FLNB: variants seen among roughly 807,000 people sequenced by gnomAD.
FLNB encodes filamin B.
In FLNB, 111 loss-of-function variants were observed where a neutral mutation model predicts 250.6. The observed-to-expected ratio is 0.44, with a 90% CI of 0.38 to 0.52. The LOEUF (loss-of-function observed/expected upper bound fraction) is 0.52. Ranked by LOEUF, FLNB falls within the 20% of genes least tolerant of loss-of-function variation. The pLI, the probability that FLNB is intolerant of heterozygous loss-of-function variation, is 0.00. For missense variants in FLNB, 2,869 were observed against 3,447.8 expected (o/e 0.83, Z 4.20); for synonymous variants, 1,302 against 1,372.1 (o/e 0.95, Z 1.13).
chr3:58,138,215 G>A lies in FLNB; in HGVS notation c.4862-67G>A, dbSNP rs1252634434. The A allele has an allele frequency of 2.5e-6, 4 of 1,606,328 alleles. No individual in the cohort carries two copies. The African/African-American group carries it at 5.4e-5, about 21-fold the overall frequency. ...AGGCACAGACAACATGGATGGGTAT[G>A]ATTTGTTCTTGGGCCTCCAGGATGT... On this transcript the variant is annotated intron_variant, in intron 28 of 45. Coordinates refer to ENST00000295956, the MANE Select transcript of FLNB (RefSeq NM_001457.4).
At chr3:58,149,774 T>A in intron 36 of FLNB, 76 bp from the exon 37 acceptor site, 1 of 1,574,180 alleles carries the variant, frequency 6.4e-7, no homozygotes, top group Non-Finnish European at 8.7e-7. Context: ...AAGGGTCGGA[T>A]GTCCTTTCTC....
rs528270059 is a variant in FLNB, at chr3:58,150,322, C to T, written c.6367+95C>T. 512 of 1,412,662 alleles carry T rather than the reference C, an allele frequency of 3.6e-4. 8 individuals carry two copies. The South Asian group carries it at 5.6e-3, about 15-fold the overall frequency. 87.5% of individuals were successfully genotyped at this position (1,412,662 alleles called of 1,614,324 possible). On this transcript the variant is annotated intron_variant, in intron 38 of 45. Transcript: ENST00000295956. ...AACCAAGTTTAGGCATGGCCCAGAA[C>T]ACAGTATCCAAGTCGGCTGTGCTGA...
Position 58,168,640 on chromosome 3 carries a change from T to C in FLNB, c.7399T>C (p.Phe2467Leu). Residue 2467 changes from phenylalanine to leucine, a missense_variant, in exon 44 of 46, where the codon TTC becomes CTC. Transcript: ENST00000295956. ...GGPNHIVGSP[F>L]KAKVTGQRLV... ...GCCCAACCACATCGTGGGCAGTCCC[T>C]TCAAGGCCAAGGTGACAGGTAACGA... 1 of 1,613,708 alleles carries C rather than the reference T, an allele frequency of 6.2e-7. No homozygotes were observed. Among genetic ancestry groups the C allele is most frequent in the Non-Finnish European group, 8.5e-7 (1 of 1,179,764 alleles).
intron 1 of FLNB, among the ~76,000 whole-genome samples, chr3:58,038,248 C>T (rs1027666294): frequency 2.0e-5 from 3 of 152,092 alleles, no homozygotes; most frequent in African/African-American, 4.8e-5. Flanking sequence ...AGGCTGGTCT[C>T]GAACTCCTGA....
At chr3:58,038,447 T>G (rs2097141263) in intron 1 of FLNB, among the ~76,000 whole-genome samples, 1 of 151,608 alleles carries the variant, frequency 6.6e-6, no homozygotes, top group Non-Finnish European at 1.5e-5. Flanking sequence ...TGGCTTTTTT[T>G]TTTTTCCTGA....
At chr3:58,041,133 A>C (rs2106799454) in intron 1 of FLNB, among the ~76,000 whole-genome samples, 1 of 152,314 alleles carries the variant, frequency 6.6e-6, no homozygotes, top group East Asian at 1.9e-4. Flanking sequence ...CAAGTGGCTG[A>C]GCCTGGAGCA....
In FLNB at chr3:58,164,563, G is replaced by A. The variant is rs1268841711; in HGVS notation, c.7198+1233G>A. ...ATCCAGCCCTAGGAGCAAGTGACCT[G>A]TGTGGCCAAGGGGCCCTCTCCGGGT... On this transcript the variant is annotated intron_variant, in intron 43 of 45. Transcript: ENST00000295956. The surrounding 1 kb of genome is among the most constrained non-coding windows in gnomAD (Gnocchi z 4.0). The A allele has an allele frequency of 6.6e-6, 1 of 152,414 alleles. No individual in the cohort carries two copies. Among genetic ancestry groups the A allele is most frequent in the African/African-American group, 2.4e-5 (1 of 41,448 alleles). 9.4% of individuals were successfully genotyped at this position (152,414 alleles called of 1,614,324 possible). A position where few individuals can be genotyped will look rare whatever the true frequency, so the allele number is the denominator to read the frequency against.
intron 4 of FLNB, among the ~76,000 whole-genome samples, chr3:58,091,960 GA>G (rs1305316048): frequency 6.6e-6 from 1 of 152,116 alleles, no homozygotes. Context: ...AAGACTGGGA[GA>G]AAAAATTTGC....
intron 39 of FLNB, 189 bp from the exon 40 acceptor site, chr3:58,154,602 T>A (rs1249451673): frequency 3.3e-6 from 2 of 597,748 alleles, no homozygotes; most frequent in African/African-American, 3.7e-5. Flanking sequence ...GTGAATTTAG[T>A]TATCACTAGT....
intron 16 of FLNB, 91 bp from the exon 17 acceptor site, chr3:58,111,700 G>A: frequency 1.1e-6 from 1 of 918,786 alleles, no homozygotes; most frequent in Non-Finnish European, 1.8e-6. Context: ...CTAAGTCAGA[G>A]TGATGCTAAG....
In FLNB at chr3:58,169,719, C is replaced by T. The variant is rs1010302938; in HGVS notation, c.7547C>T (p.Thr2516Ile). The T allele has an allele frequency of 7.4e-6, 12 of 1,613,990 alleles. No individual in the cohort carries two copies. The highest frequency in any genetic ancestry group is 2.7e-5 in the African/African-American group (2 of 74,886). ...PKASSDASKV[T>I]SKGAGLSKAF... ...GCATCCTCGGACGCCAGCAAGGTGA[C>T]CTCTAAGGGGGCAGGGCTCTCAAAG... Residue 2516 changes from threonine (T) to isoleucine (I), a missense_variant, in exon 45 of 46, where the codon ACC becomes ATC. This residue lies in a region of FLNB where 1,084 missense variants were observed against 1,315.5 expected (regional missense o/e 0.82). Coordinates refer to ENST00000295956, the MANE Select transcript of FLNB (RefSeq NM_001457.4). This position sits in a 1 kb window ranked among gnomAD's most constrained non-coding sequence, Gnocchi z 4.8.
chr3:58,102,080 A>G, intron 8 of FLNB, 123 bp from the exon 9 acceptor site: 2 of 1,067,888 alleles, frequency 1.9e-6, no homozygotes, highest in Non-Finnish European at 2.8e-6. Context: ...GGTCTTGGGC[A>G]ACTACTGCAT....
rs1290606275 is a variant in FLNB, at chr3:58,169,245, C to G, written c.7418-345C>G. 2 of 306,078 alleles carry G rather than the reference C, an allele frequency of 6.5e-6. No individual in the cohort carries two copies. Among genetic ancestry groups the G allele is most frequent in the Non-Finnish European group, 1.2e-5 (2 of 162,508 alleles). The allele number at this position is 306,078 out of a possible 1,614,324, so 19.0% of individuals were successfully genotyped here. On this transcript the variant is annotated intron_variant, in intron 44 of 45. Transcript: ENST00000295956. This position sits in a 1 kb window ranked among gnomAD's most constrained non-coding sequence, Gnocchi z 4.8. ...ATATTTCATTATATGTCATCCCAAA[C>G]TTTTACACTGCTTATACATAGACTA...
chr3:58,149,797 T>A lies in FLNB; in HGVS notation c.6092-53T>A. On this transcript the variant is annotated intron_variant, in intron 36 of 45. Coordinates refer to ENST00000295956, the MANE Select transcript of FLNB (RefSeq NM_001457.4). Reference sequence around the variant, plus strand: ...GATGTCCTTTCTCCATTCATCAGGCTCCCTCTTCCTGAGGAGCTGCTGTCA... The same window carrying A: ...GATGTCCTTTCTCCATTCATCAGGCACCCTCTTCCTGAGGAGCTGCTGTCA... 3 of 1,610,512 alleles carry A rather than the reference T, an allele frequency of 1.9e-6. No individual in the cohort carries two copies. In the South Asian group the frequency reaches 3.3e-5, roughly 18 times the overall value.
Position 58,108,068 on chromosome 3 carries a change from GAAT to G in FLNB, c.1942-389_1942-387del, listed in dbSNP as rs200719967. The stretch of plus-strand genomic sequence containing the variant: ...TCCCTGGGCCACACTGGAAGGAGAA[GAAT>G]TGTCTTGGGCCACACATAAAATACT... On this transcript the variant is annotated intron_variant, in intron 12 of 45. Coordinates refer to ENST00000295956, the MANE Select transcript of FLNB (RefSeq NM_001457.4). Among the ~76,000 whole-genome samples, 926 of 152,168 alleles carry G rather than the reference GAAT, an allele frequency of 6.1e-3. 41 individuals carry two copies. In the East Asian group the frequency reaches 0.14, roughly 23 times the overall value.
At chr3:58,121,218 C>A in intron 19 of FLNB, 23 bp from the exon 20 acceptor site, 1 of 1,614,194 alleles carries the variant, frequency 6.2e-7, no homozygotes, top group Non-Finnish European at 8.5e-7. Context: ...AGCTCTTCAC[C>A]TCAGCTTGTG....
intron 1 of FLNB, among the ~76,000 whole-genome samples, chr3:58,033,023 A>C (rs839238): frequency 0.72 from 109,367 of 152,066 alleles, 39,923 homozygotes; most frequent in East Asian, 0.95. Flanking sequence ...CAGTGAGCTG[A>C]GATTGCATGA....
At chr3:58,034,390 T>C (rs2097135154) in intron 1 of FLNB, among the ~76,000 whole-genome samples, 1 of 151,490 alleles carries the variant, frequency 6.6e-6, no homozygotes, top group Non-Finnish European at 1.5e-5. Flanking sequence ...GGTTCTGTTT[T>C]TTAAAGACAA....
At chr3:58,058,238 T>C (rs771962176) in intron 1 of FLNB, among the ~76,000 whole-genome samples, 2 of 152,216 alleles carry the variant, frequency 1.3e-5, no homozygotes, top group Non-Finnish European at 2.9e-5. Flanking sequence ...TACTAAGTTA[T>C]CTTTCCTCTC....
Sources: allele counts gnomAD v4.1 joint callset (sites outside exome capture counted in the v4.1 genomes callset), GRCh38; gene constraint gnomAD v4.1.1; regional missense constraint gnomAD v4.1.1; non-coding constraint Gnocchi (gnomAD v3.1); transcripts MANE v1.5; gene names NCBI Gene and HGNC (gene_info 2026-07-23, HGNC 2026-07-21).